The following CADPS variants were observed in gnomAD, a reference collection of about 807,000 sequenced individuals.
CADPS encodes calcium-dependent secretion activator 1.
Under a neutral mutation model 167.3 loss-of-function variants are expected in CADPS, and 57 were observed. That is an observed-to-expected ratio of 0.34 (90% confidence interval 0.28 to 0.42). The LOEUF is 0.42. CADPS is among the 20% of genes least tolerant of loss of function. The pLI is 1.00. For missense variants in CADPS, 1,414 were observed against 1,738.1 expected, an observed-to-expected ratio of 0.81 and a Z score of 3.32; for synonymous variants, 676 against 635.3, an observed-to-expected ratio of 1.06 and a Z score of -0.96.
intron 1 of CADPS, among the ~76,000 whole-genome samples, chr3:62,854,959 C>T (rs1446891695): frequency 1.3e-5 from 2 of 152,110 alleles, no homozygotes; most frequent in Non-Finnish European, 2.9e-5. Context: ...CAGAGTCTCA[C>T]TGTCACCCAG....
chr3:62,423,140 C>T (rs2051827478), intron 28 of CADPS, among the ~76,000 whole-genome samples: 2 of 152,160 alleles, frequency 1.3e-5, no homozygotes, highest in Admixed American at 1.3e-4. Flanking sequence ...TAGTCTCTTT[C>T]AGCTGAGGAT....
At chr3:62,692,984 G>T (rs892841505) in intron 3 of CADPS, among the ~76,000 whole-genome samples, 5 of 151,800 alleles carry the variant, frequency 3.3e-5, no homozygotes, top group Non-Finnish European at 7.4e-5. Flanking sequence ...CTCATCTTGA[G>T]GCACTCTCTC....
chr3:62,750,419 T>C lies in CADPS; in HGVS notation c.888+3022A>G, dbSNP rs77307558. Among the ~76,000 whole-genome samples the C allele has an allele frequency of 4.1e-3, 523 of 128,722 alleles. 5 individuals carry two copies. The highest frequency in any genetic ancestry group is 0.014 in the African/African-American group (496 of 34,954). 84.4% of individuals were successfully genotyped at this position (128,722 alleles called of 152,430 possible). A position where few individuals can be genotyped will look rare whatever the true frequency, so the allele number is the denominator to read the frequency against. ...TAGTTTAATAAGAAACATTAAATAA[T>C]CATCCAGGTAGTACTCGGAAATGGC... On this transcript the variant is annotated intron_variant, in intron 3 of 29. Coordinates refer to ENST00000383710, the MANE Select transcript of CADPS (RefSeq NM_003716.4).
intron 16 of CADPS, chr3:62,513,575 T>C: frequency 8.9e-7 from 1 of 1,121,584 alleles, no homozygotes; most frequent in Non-Finnish European, 1.3e-6. Flanking sequence ...GATCTGGATT[T>C]TCTTGAAATA....
intron 22 of CADPS, among the ~76,000 whole-genome samples, chr3:62,479,529 A>G (rs2061711248): frequency 1.3e-5 from 2 of 152,254 alleles, no homozygotes; most frequent in South Asian, 4.1e-4. Context: ...TCAGAGAGAA[A>G]TATAGCTAGT....
At chr3:62,574,652 T>C (rs770065807) in intron 8 of CADPS, among the ~76,000 whole-genome samples, 1 of 152,224 alleles carries the variant, frequency 6.6e-6, no homozygotes, top group Non-Finnish European at 1.5e-5. Flanking sequence ...AGACAGATTA[T>C]TGGCTTGTAA....
Position 62,570,982 on chromosome 3 carries a change from G to A in CADPS, c.1578-44C>T, listed in dbSNP as rs780970841. 8 of 1,237,072 alleles carry A rather than the reference G, an allele frequency of 6.5e-6. No homozygotes were observed. In the East Asian group the frequency reaches 1.9e-4, roughly 29 times the overall value. The allele number at this position is 1,237,072 out of a possible 1,614,324, so 76.6% of individuals were successfully genotyped here. A position where few individuals can be genotyped will look rare whatever the true frequency, so the allele number is the denominator to read the frequency against. On this transcript the variant is annotated intron_variant, in intron 8 of 29. Transcript: ENST00000383710. ...ACCAGAGCTGCATTAATGCTTGAGT[G>A]AGTGAATTGTTGAACACACTTTGCC...
rs184905699 is a variant in CADPS, at chr3:62,620,961, T to G, written c.1325+24761A>C. Among the ~76,000 whole-genome samples, 12 of 152,300 alleles carry G rather than the reference T, an allele frequency of 7.9e-5. No homozygotes were observed. In the East Asian group the frequency reaches 2.3e-3, roughly 29 times the overall value. Reference sequence around the variant, plus strand: ...GGACTGAGAGTTTGGAAGCCCAGGTTCTAGCCCCTCTCCAGTCTTGTGTAA... The same window carrying G: ...GGACTGAGAGTTTGGAAGCCCAGGTGCTAGCCCCTCTCCAGTCTTGTGTAA... On this transcript the variant is annotated intron_variant, in intron 6 of 29. Transcript: ENST00000383710.
At chr3:62,491,709 A>T (rs903043537) in intron 20 of CADPS, among the ~76,000 whole-genome samples, 3 of 152,206 alleles carry the variant, frequency 2.0e-5, no homozygotes, top group African/African-American at 7.2e-5. Context: ...CTTGGTATTG[A>T]TCTTCTAAAA....
intron 24 of CADPS, among the ~76,000 whole-genome samples, chr3:62,470,110 G>A (rs993292917): frequency 2.6e-5 from 4 of 152,028 alleles, no homozygotes; most frequent in African/African-American, 9.7e-5. Context: ...CCCTTCTATT[G>A]GTACTTCACA....
chr3:62,781,386 ACTC>A (rs1391648574), intron 1 of CADPS, among the ~76,000 whole-genome samples: 6 of 151,922 alleles, frequency 3.9e-5, no homozygotes, highest in Non-Finnish European at 8.8e-5. Context: ...TACAAAAGTC[ACTC>A]CTCCTTTCAA....
At chr3:62,404,438 C>T (rs1707614767) in intron 28 of CADPS, 1 of 152,568 alleles carries the variant, frequency 6.6e-6, no homozygotes. Context: ...ACAGTTTTTC[C>T]GAAGCCTTGT....
At chr3:62,740,166 T>C (rs1465216559) in intron 3 of CADPS, among the ~76,000 whole-genome samples, 1 of 152,088 alleles carries the variant, frequency 6.6e-6, no homozygotes, top group Non-Finnish European at 1.5e-5. Context: ...AGGTTGTGAG[T>C]TCAGTTAGAT....
chr3:62,801,829 C>T (rs2093783376), intron 1 of CADPS, among the ~76,000 whole-genome samples: 1 of 152,016 alleles, frequency 6.6e-6, no homozygotes, highest in Non-Finnish European at 1.5e-5. Context: ...GAGATTTACA[C>T]CCAGGTGGTT....
intron 1 of CADPS, among the ~76,000 whole-genome samples, chr3:62,862,036 G>A (rs952973891): frequency 1.3e-5 from 2 of 151,414 alleles, no homozygotes; most frequent in African/African-American, 4.9e-5. Flanking sequence ...ATAGGGACTG[G>A]AGCCTTGGAA....
rs543682752 is a variant in CADPS, at chr3:62,829,520, G to A, written c.441+45069C>T. ...TATGTCACAGGTTATAGTGAATATT[G>A]TATGAATAAAGGTAAAAACATCCTG... On this transcript the variant is annotated intron_variant, in intron 1 of 29. Transcript: ENST00000383710. 5.3e-5 allele frequency among the ~76,000 whole-genome samples: 8 copies of A among 152,160 alleles called. No individual in the cohort carries two copies. The South Asian group carries it at 1.2e-3, about 24-fold the overall frequency.
At chr3:62,787,530 C>T (rs2092573923) in intron 1 of CADPS, among the ~76,000 whole-genome samples, 1 of 152,058 alleles carries the variant, frequency 6.6e-6, no homozygotes, top group African/African-American at 2.4e-5. Flanking sequence ...TTTAAATGTA[C>T]ACTTTTATCT....
rs534753730 is a variant in CADPS at position 62,449,188 on chromosome 3, T to C, written c.3637-3391A>G. ...CAGCTATCACACTCCAGCCAGGAAC[T>C]GGCCATTTCTGGTGATAGAGACCTC... On this transcript the variant is annotated intron_variant, in intron 26 of 29. Transcript: ENST00000383710. 3.4e-4 allele frequency among the ~76,000 whole-genome samples: 52 copies of C among 152,358 alleles called. 1 individual carries two copies. Among genetic ancestry groups the C allele is most frequent in the African/African-American group, 9.1e-4 (38 of 41,580 alleles).
chr3:62,801,321 T>C (rs1477791755), intron 1 of CADPS, among the ~76,000 whole-genome samples: 1 of 152,148 alleles, frequency 6.6e-6, no homozygotes, highest in African/African-American at 2.4e-5. Context: ...TTTATGACTT[T>C]GGCTTACTCT....
Sources: allele counts gnomAD v4.1 joint callset (sites outside exome capture counted in the v4.1 genomes callset), GRCh38; gene constraint gnomAD v4.1.1; transcripts MANE v1.5; gene names NCBI Gene and HGNC (gene_info 2026-07-23, HGNC 2026-07-21).